The following KIAA1958 variants were observed in gnomAD, a reference collection of about 807,000 sequenced individuals.
KIAA1958 encodes the protein uncharacterized protein KIAA1958.
Under a neutral mutation model 47.2 loss-of-function variants are expected in KIAA1958, and 14 were observed. The ratio of observed to expected loss-of-function variants is 0.30; its 90% CI spans 0.20 to 0.46. The LOEUF is 0.46. Among genes scored for constraint, KIAA1958 ranks in the 20% least tolerant of loss-of-function variants. The pLI is 1.00. For synonymous variants in KIAA1958, 354 were observed against 353.3 expected (o/e 1.00, Z -0.02); for missense variants, 803 against 909.2 (o/e 0.88, Z 1.50).
chr9:112,625,387 CAAGTGATCCCCCCACCTCAGCCTCCCA>C (rs1836591183), intron 2 of KIAA1958, among the ~76,000 whole-genome samples: 1 of 152,152 alleles, frequency 6.6e-6, no homozygotes, highest in South Asian at 2.1e-4. Flanking sequence ...CTCCTGGACT[CAAGTGATCCCCCCACCTCAGCCTCCCA>C]AAGTGCTAGA....
At chr9:112,526,520 A>G (rs1346818050) in intron 1 of KIAA1958, among the ~76,000 whole-genome samples, 4 of 151,942 alleles carry the variant, frequency 2.6e-5, no homozygotes, top group Non-Finnish European at 4.4e-5. Flanking sequence ...TGCTAGGATT[A>G]CAGATGTGAA....
intron 2 of KIAA1958, among the ~76,000 whole-genome samples, chr9:112,602,105 T>C (rs573902379): frequency 6.6e-6 from 1 of 152,348 alleles, no homozygotes; most frequent in African/African-American, 2.4e-5. Context: ...AAACATAATA[T>C]GCAAGGAGTT....
At chr9:112,557,992 C>G (rs1431343598) in intron 1 of KIAA1958, among the ~76,000 whole-genome samples, 1 of 151,962 alleles carries the variant, frequency 6.6e-6, no homozygotes, top group Non-Finnish European at 1.5e-5. Flanking sequence ...TTTGGGAGGC[C>G]GAGGCGGGTG....
chr9:112,651,723 A>C (rs1048994441), intron 3 of KIAA1958, among the ~76,000 whole-genome samples: 1 of 152,082 alleles, frequency 6.6e-6, no homozygotes. Context: ...AATTACAGAT[A>C]GCTAACTAGA....
intron 2 of KIAA1958, among the ~76,000 whole-genome samples, chr9:112,630,163 T>C (rs1588046840): frequency 1.3e-5 from 2 of 152,324 alleles, no homozygotes; most frequent in East Asian, 3.9e-4. Context: ...AACAATCCTT[T>C]AGTAAAGGAT....
chr9:112,609,323 G>GT (rs1250839513), intron 2 of KIAA1958, among the ~76,000 whole-genome samples: 10 of 152,184 alleles, frequency 6.6e-5, no homozygotes, highest in African/African-American at 2.4e-4. Context: ...TAAATTCGAC[G>GT]TAACTTTATA....
rs961742466 is a variant in KIAA1958 at position 112,591,548 on chromosome 9, A to AT, written c.1171+16306dup. On this transcript the variant is annotated intron_variant, in intron 2 of 3. Transcript: ENST00000337530. ...TTTTAATTCAATATTTGATAAGTGGATTTTTTTTTAAGGAATGTAACTGTC... is the reference window on the plus strand; with the variant it reads ...TTTTAATTCAATATTTGATAAGTGGATTTTTTTTTTAAGGAATGTAACTGTC... Among the ~76,000 whole-genome samples, 71 of 151,180 alleles carry AT rather than the reference A, an allele frequency of 4.7e-4. 1 individual carries two copies. The South Asian group carries it at 6.1e-3, about 13-fold the overall frequency.
intron 2 of KIAA1958, among the ~76,000 whole-genome samples, chr9:112,604,012 T>C (rs1247070354): frequency 6.6e-6 from 1 of 152,224 alleles, no homozygotes; most frequent in East Asian, 1.9e-4. Flanking sequence ...AAATGTTTCT[T>C]ATTGCTTCAA....
intron 1 of KIAA1958, among the ~76,000 whole-genome samples, chr9:112,559,932 C>T (rs946533116): frequency 1.3e-5 from 2 of 152,102 alleles, no homozygotes; most frequent in Admixed American, 6.6e-5. Context: ...AATGCCATTG[C>T]AATTCATTTT....
At chr9:112,586,053 A>G (rs988727939) in intron 2 of KIAA1958, among the ~76,000 whole-genome samples, 2 of 152,216 alleles carry the variant, frequency 1.3e-5, no homozygotes, top group East Asian at 1.9e-4. Flanking sequence ...AAGACATCTC[A>G]AACACCCCTA....
intron 1 of KIAA1958, among the ~76,000 whole-genome samples, chr9:112,525,751 T>C (rs1834627625): frequency 6.6e-6 from 1 of 151,816 alleles, no homozygotes; most frequent in African/African-American, 2.4e-5. Flanking sequence ...GTGTCCTTGA[T>C]TATTGTTACT....
At chr9:112,540,055 C>T (rs998993220) in intron 1 of KIAA1958, among the ~76,000 whole-genome samples, 3 of 151,934 alleles carry the variant, frequency 2.0e-5, no homozygotes, top group South Asian at 2.1e-4. Context: ...AAACAAATTA[C>T]GATTATGTTA....
At chr9:112,502,805 C>T (rs1206371225) in intron 1 of KIAA1958, among the ~76,000 whole-genome samples, 5 of 152,148 alleles carry the variant, frequency 3.3e-5, no homozygotes, top group African/African-American at 1.2e-4. Context: ...TGACTTACTC[C>T]AGGAAAAGTT....
At chr9:112,584,026 A>G (rs1235310514) in intron 2 of KIAA1958, among the ~76,000 whole-genome samples, 2 of 152,128 alleles carry the variant, frequency 1.3e-5, no homozygotes, top group African/African-American at 4.8e-5. Flanking sequence ...TGATTGTGCC[A>G]CTGCACGCCA....
intron 1 of KIAA1958, among the ~76,000 whole-genome samples, chr9:112,560,338 C>T (rs1564172365): frequency 6.6e-6 from 1 of 151,594 alleles, no homozygotes; most frequent in Admixed American, 6.6e-5. Context: ...GTAGCTAGGA[C>T]TACAGGTTCA....
chr9:112,513,087 C>G (rs565788997), intron 1 of KIAA1958, among the ~76,000 whole-genome samples: 1 of 141,852 alleles, frequency 7.0e-6, no homozygotes, highest in East Asian at 2.1e-4. Context: ...TCACTGCAAC[C>G]TCTGCCTCCT....
Position 112,668,952 on chromosome 9 carries a change from G to A in KIAA1958, c.*8883G>A, listed in dbSNP as rs1837385234. ...ATGGGGCTGTATTTTCCAAATAATA[G>A]CAACAAAACTGTCCTAACGTTTTCA... On this transcript the variant is annotated 3_prime_UTR_variant, in exon 4 of 4. Coordinates refer to ENST00000337530, the MANE Select transcript of KIAA1958 (RefSeq NM_133465.4). 6.6e-6 allele frequency: 1 copy of A among 152,130 alleles called. No individual in the cohort carries two copies. The highest frequency in any genetic ancestry group is 6.5e-5 in the Admixed American group (1 of 15,280). 9.4% of individuals were successfully genotyped at this position (152,130 alleles called of 1,614,324 possible). A position where few individuals can be genotyped will look rare whatever the true frequency, so the allele number is the denominator to read the frequency against.
At chr9:112,488,567 C>T (rs1243006281) in intron 1 of KIAA1958, among the ~76,000 whole-genome samples, 3 of 151,980 alleles carry the variant, frequency 2.0e-5, no homozygotes, top group Admixed American at 6.6e-5. Context: ...TTAAGTCTGA[C>T]AGTTACCCAG....
At chr9:112,601,040 G>C (rs1836122224) in intron 2 of KIAA1958, among the ~76,000 whole-genome samples, 1 of 152,166 alleles carries the variant, frequency 6.6e-6, no homozygotes, top group East Asian at 1.9e-4. Flanking sequence ...AGGCATTCTT[G>C]TTGGCAGAGC....
Sources: gnomAD v4.1 joint callset for allele counts (sites outside exome capture counted in the v4.1 genomes callset) on GRCh38, gnomAD v4.1.1 for gene constraint, MANE v1.5 for transcripts, NCBI Gene and HGNC (gene_info 2026-07-23, HGNC 2026-07-21) for gene names.